AKAP9: variants seen among roughly 807,000 people sequenced by gnomAD.
AKAP9 encodes A-kinase anchoring protein 9, also known as A-kinase anchor protein 9.
Under a neutral mutation model 488.5 loss-of-function variants are expected in AKAP9, and 311 were observed. That is an observed-to-expected ratio of 0.64 (90% CI 0.58 to 0.70). The LOEUF (loss-of-function observed/expected upper bound fraction) is 0.70. Among genes scored for constraint, AKAP9 ranks in the 30% least tolerant of loss-of-function variants. The probability of loss-of-function intolerance (pLI) is 0.00; values close to 1 mark genes in which losing one functional copy is unlikely to be tolerated. For synonymous variants in AKAP9, 1,462 were observed against 1,483.5 expected, an observed-to-expected ratio of 0.99 and a Z score of 0.33; for missense variants, 4,215 against 4,374.5, an observed-to-expected ratio of 0.96 and a Z score of 1.03.
At chr7:91,971,610 C>A (rs1211757788) in intron 1 of AKAP9, among the ~76,000 whole-genome samples, 5 of 145,918 alleles carry the variant, frequency 3.4e-5, no homozygotes, top group Non-Finnish European at 6.0e-5. Context: ...CTCTGTTGCC[C>A]AGGCTGGAGT....
At chr7:92,042,896 T>A (rs560657153) in intron 20 of AKAP9, 125 bp downstream of exon 20, 5 of 678,868 alleles carry the variant, frequency 7.4e-6, no homozygotes, top group African/African-American at 7.1e-5. Context: ...ATACCATCTG[T>A]GTATGAAACA....
intron 16 of AKAP9, among the ~76,000 whole-genome samples, chr7:92,035,200 G>T (rs928345276): frequency 6.6e-6 from 1 of 152,162 alleles, no homozygotes. Flanking sequence ...TTTCCCCCGT[G>T]ACTTCCTCTT....
intron 1 of AKAP9, among the ~76,000 whole-genome samples, chr7:91,950,071 T>G (rs1200136999): frequency 6.6e-6 from 1 of 152,154 alleles, no homozygotes; most frequent in Non-Finnish European, 1.5e-5. Context: ...ATTTCATAGG[T>G]TCTCTGATTT....
chr7:92,090,905 G>T (rs1189249310), intron 38 of AKAP9, among the ~76,000 whole-genome samples: 1 of 152,168 alleles, frequency 6.6e-6, no homozygotes, highest in African/African-American at 2.4e-5. Flanking sequence ...AGCAGTATAT[G>T]AGAGTTACGT....
chr7:91,994,592 T>A, intron 5 of AKAP9, 29 bp from the exon 6 acceptor site: 1 of 1,575,436 alleles, frequency 6.3e-7, no homozygotes, highest in Non-Finnish European at 8.6e-7. Flanking sequence ...TTAAAAAAAA[T>A]AAATCTAGCA....
In AKAP9 at chr7:92,013,879, A is replaced by T. The variant is rs532062769; in HGVS notation, c.3533-370A>T. On this transcript the variant is annotated intron_variant, in intron 9 of 49. Transcript: ENST00000356239. ...TTAGTGAGTAATGATCAACATTTTT[A>T]AAAAAAAAAACAAAGTAGAACAGAA... Among the ~76,000 whole-genome samples the T allele has an allele frequency of 3.4e-4, 50 of 148,384 alleles. 1 individual carries two copies. Among genetic ancestry groups the T allele is most frequent in the Admixed American group, 8.1e-4 (12 of 14,824 alleles).
At chr7:91,968,904 C>T (rs1315577969) in intron 1 of AKAP9, among the ~76,000 whole-genome samples, 2 of 151,994 alleles carry the variant, frequency 1.3e-5, no homozygotes, top group African/African-American at 2.4e-5. Context: ...CAGGGCCTTT[C>T]TCTGTTGCCC....
chr7:91,972,655 G>A (rs1795237123), intron 1 of AKAP9, among the ~76,000 whole-genome samples: 2 of 152,190 alleles, frequency 1.3e-5, no homozygotes, highest in African/African-American at 2.4e-5. Context: ...GTTAGGGGAA[G>A]CGAAGGCAAC....
At chr7:91,984,191 C>T (rs7800344) in intron 3 of AKAP9, among the ~76,000 whole-genome samples, 5,313 of 152,240 alleles carry the variant, frequency 0.035, 272 homozygotes, top group African/African-American at 0.12. Context: ...GTGTTTTAGT[C>T]ATGAAGTCCT....
chr7:92,009,364 T>C (rs1234505141), intron 8 of AKAP9, among the ~76,000 whole-genome samples: 2 of 152,072 alleles, frequency 1.3e-5, no homozygotes, highest in East Asian at 3.8e-4. Flanking sequence ...AATTTGAAAA[T>C]AGACATAAAC....
intron 37 of AKAP9, 53 bp downstream of exon 37, chr7:92,086,469 A>G (rs970528093): frequency 5.6e-6 from 8 of 1,438,904 alleles, no homozygotes; most frequent in Middle Eastern, 1.8e-4. Flanking sequence ...GGAAATGACT[A>G]TTGATTTTAG....
In AKAP9 at chr7:91,973,934, A is replaced by T; in HGVS notation, c.272A>T (p.Glu91Val). Reference protein sequence around the residue: ...STIMRTLHSGEITSHEQGFSV... With the variant: ...STIMRTLHSGVITSHEQGFSV... ...ATAATGAGAACTCTACATAGTGGAG[A>T]AATAACCAGTCATGAGCAGGGCTTC... Residue 91 changes from glutamate to valine, a missense_variant, in exon 2 of 50, where the codon GAA (glutamate) becomes GTA (valine). By Grantham distance (121) the Glu-to-Val change is moderately radical. Around this residue, in one of 5 missense-constraint regions of AKAP9, gnomAD observed 2,361 missense variants for 2,430.0 expected, o/e 0.97. Coordinates refer to ENST00000356239, the MANE Select transcript of AKAP9 (RefSeq NM_005751.5). The T allele has an allele frequency of 6.2e-7, 1 of 1,614,070 alleles. No homozygotes were observed. Among genetic ancestry groups the T allele is most frequent in the Non-Finnish European group, 8.5e-7 (1 of 1,179,978 alleles).
At chr7:92,094,215 A>T (rs908253880) in intron 39 of AKAP9, among the ~76,000 whole-genome samples, 3 of 152,118 alleles carry the variant, frequency 2.0e-5, no homozygotes, top group African/African-American at 7.2e-5. Context: ...ATAATTAATA[A>T]CTAGTAATTG....
chr7:92,025,756 C>A (rs945890524), intron 14 of AKAP9, among the ~76,000 whole-genome samples: 3 of 152,102 alleles, frequency 2.0e-5, no homozygotes, highest in Admixed American at 6.5e-5. Context: ...ATAATAATTA[C>A]CCTTAAGATT....
At chr7:92,096,481 C>T (rs555141324) in intron 40 of AKAP9, among the ~76,000 whole-genome samples, 11 of 151,974 alleles carry the variant, frequency 7.2e-5, no homozygotes, top group East Asian at 3.9e-4. Flanking sequence ...ACTACAGGCA[C>T]GTGCCATTGC....
chr7:91,950,363 G>T (rs1200833233), intron 1 of AKAP9, among the ~76,000 whole-genome samples: 1 of 151,666 alleles, frequency 6.6e-6, no homozygotes, highest in African/African-American at 2.4e-5. Flanking sequence ...CCCAGCAGCT[G>T]GGACCACAGG....
chr7:91,955,738 AT>A (rs1445190520), intron 1 of AKAP9, among the ~76,000 whole-genome samples: 1 of 152,102 alleles, frequency 6.6e-6, no homozygotes, highest in Non-Finnish European at 1.5e-5. Context: ...GGTTCAAGTG[AT>A]TCTCCTGCCT....
intron 1 of AKAP9, among the ~76,000 whole-genome samples, chr7:91,972,474 A>G (rs1032213481): frequency 6.6e-6 from 1 of 152,160 alleles, no homozygotes; most frequent in Non-Finnish European, 1.5e-5. Context: ...ATGTTTGGTG[A>G]TGGGCAGATT....
intron 43 of AKAP9, among the ~76,000 whole-genome samples, chr7:92,099,316 T>A (rs1817148639): frequency 1.3e-5 from 2 of 152,134 alleles, no homozygotes; most frequent in African/African-American, 4.8e-5. Flanking sequence ...TTCCCTAATT[T>A]CCCCTGCTTT....
Sources: gnomAD v4.1 joint callset for allele counts (sites outside exome capture counted in the v4.1 genomes callset) on GRCh38, gnomAD v4.1.1 for gene constraint, gnomAD v4.1.1 regional missense constraint, MANE v1.5 for transcripts, NCBI Gene and HGNC (gene_info 2026-07-23, HGNC 2026-07-21) for gene names.